The following AGMO variants were observed in gnomAD, a reference collection of about 807,000 sequenced individuals.
AGMO encodes the protein alkylglycerol monooxygenase.
A neutral mutation model predicts 60.2 loss-of-function variants in AGMO; 75 were observed. That is an observed-to-expected ratio of 1.25 (90% CI 1.03 to 1.51). AGMO has a LOEUF of 1.51. AGMO is among the 40% of genes most tolerant of loss of function. The probability of loss-of-function intolerance (pLI) is 0.00; values close to 1 mark genes in which losing one functional copy is unlikely to be tolerated. For synonymous variants in AGMO, 261 were observed against 177.1 expected (o/e 1.47, Z -3.76); for missense variants, 763 against 525.5 (o/e 1.45, Z -4.42).
At chr7:15,384,180 G>T (rs1339515542) in intron 10 of AGMO, among the ~76,000 whole-genome samples, 1 of 152,058 alleles carries the variant, frequency 6.6e-6, no homozygotes, top group African/African-American at 2.4e-5. Flanking sequence ...CTCGTGATCT[G>T]CCCACCTTGG....
At chr7:15,227,868 C>T (rs982438081) in intron 12 of AGMO, among the ~76,000 whole-genome samples, 1 of 152,074 alleles carries the variant, frequency 6.6e-6, no homozygotes, top group African/African-American at 2.4e-5. Flanking sequence ...TGGACTTCTG[C>T]CTCTTTGTAG....
intron 3 of AGMO, among the ~76,000 whole-genome samples, chr7:15,442,026 G>A (rs1441672345): frequency 6.6e-6 from 1 of 152,152 alleles, no homozygotes. Context: ...CATAGCAAAT[G>A]AGTGTGGCTT....
intron 12 of AGMO, among the ~76,000 whole-genome samples, chr7:15,353,448 T>C (rs1782334879): frequency 6.6e-6 from 1 of 152,190 alleles, no homozygotes; most frequent in Non-Finnish European, 1.5e-5. Context: ...ATTCAACATG[T>C]TTGCTCTTAG....
chr7:15,432,667 A>G (rs991150566), intron 3 of AGMO, among the ~76,000 whole-genome samples: 2 of 151,884 alleles, frequency 1.3e-5, no homozygotes, highest in African/African-American at 4.8e-5. Flanking sequence ...TTAGATCCCA[A>G]TTGGTTGGTG....
intron 9 of AGMO, among the ~76,000 whole-genome samples, chr7:15,386,234 A>ACTGCC (rs1783909184): frequency 6.6e-6 from 1 of 152,156 alleles, no homozygotes; most frequent in Admixed American, 6.5e-5. Context: ...ATCATGCTTC[A>ACTGCC]AAGAAAAATA....
At chr7:15,495,786 C>G (rs1231622986) in intron 3 of AGMO, among the ~76,000 whole-genome samples, 1 of 151,878 alleles carries the variant, frequency 6.6e-6, no homozygotes, top group African/African-American at 2.4e-5. Context: ...TCTGGGGCTT[C>G]ATACAGCTTT....
chr7:15,299,278 A>G lies in AGMO; in HGVS notation c.1263+66236T>C, dbSNP rs1330268445. On this transcript the variant is annotated intron_variant, in intron 12 of 12. Transcript: ENST00000342526. ...TAAAGGTTATTGCTTCAGTGAAAGT[A>G]AAGTACATTGCCCAAAATATTTAGG... Among the ~76,000 whole-genome samples the G allele has an allele frequency of 2.6e-5, 4 of 152,194 alleles. No individual in the cohort carries two copies. In the East Asian group the frequency reaches 7.7e-4, roughly 29 times the overall value.
chr7:15,439,946 T>C (rs1023128821), intron 3 of AGMO, among the ~76,000 whole-genome samples: 18 of 152,124 alleles, frequency 1.2e-4, no homozygotes, highest in Admixed American at 6.5e-5. Context: ...ATCTAATCCC[T>C]TCCAAACTAG....
At chr7:15,209,014 G>T (rs1781509483) in intron 12 of AGMO, among the ~76,000 whole-genome samples, 1 of 152,076 alleles carries the variant, frequency 6.6e-6, no homozygotes, top group Admixed American at 6.6e-5. Flanking sequence ...TAAAACCAGA[G>T]GTTTGTTTCC....
chr7:15,142,617 C>A, the AGMO span, among the ~76,000 whole-genome samples: 2 of 152,062 alleles, frequency 1.3e-5, no homozygotes, highest in Non-Finnish European at 2.9e-5. Context: ...TACCTAATTC[C>A]TTTATCCTGA....
chr7:15,418,833 C>T (rs1780852923), intron 4 of AGMO, among the ~76,000 whole-genome samples, 180 bp from the exon 5 acceptor site: 1 of 151,788 alleles, frequency 6.6e-6, no homozygotes, highest in African/African-American at 2.4e-5. Context: ...CAGTTACAGA[C>T]ATGTTGGAGC....
intron 2 of AGMO, among the ~76,000 whole-genome samples, chr7:15,546,516 C>T (rs1370052277): frequency 6.6e-6 from 1 of 152,230 alleles, no homozygotes; most frequent in East Asian, 1.9e-4. Context: ...CTGAGCCATT[C>T]TTCCTGAGGG....
At chr7:15,416,400 G>A (rs1338035585) in intron 5 of AGMO, among the ~76,000 whole-genome samples, 3 of 152,016 alleles carry the variant, frequency 2.0e-5, no homozygotes, top group East Asian at 1.9e-4. Flanking sequence ...TATTTGGTAC[G>A]TTTTATGGCC....
the AGMO span, among the ~76,000 whole-genome samples, chr7:15,151,746 A>C: frequency 4.9e-3 from 752 of 152,254 alleles, 15 homozygotes; most frequent in Admixed American, 0.034. Flanking sequence ...CCACTTCAGA[A>C]TATGTGGTGT....
intron 12 of AGMO, among the ~76,000 whole-genome samples, chr7:15,361,545 A>AG: frequency 6.7e-6 from 1 of 149,298 alleles, no homozygotes; most frequent in Non-Finnish European, 1.5e-5. Context: ...GTCTCAAAAA[A>AG]AAAAAAAAAG....
chr7:15,561,074 T>C (rs1332162411), intron 1 of AGMO, among the ~76,000 whole-genome samples: 1 of 152,174 alleles, frequency 6.6e-6, no homozygotes, highest in Non-Finnish European at 1.5e-5. Context: ...ATGATGTCAT[T>C]TTTTTTCTAT....
At chr7:15,477,207 G>C (rs1372508955) in intron 3 of AGMO, among the ~76,000 whole-genome samples, 2 of 151,904 alleles carry the variant, frequency 1.3e-5, no homozygotes, top group Non-Finnish European at 2.9e-5. Flanking sequence ...TTAAAGGTAT[G>C]AATGAAACAT....
the AGMO span, among the ~76,000 whole-genome samples, chr7:15,143,947 A>G: frequency 6.6e-5 from 10 of 152,300 alleles, no homozygotes; most frequent in Non-Finnish European, 1.2e-4. Context: ...AGTAGCATGC[A>G]TTGTAAATTA....
Position 15,561,774 on chromosome 7 carries a change from T to A in AGMO, c.72A>T (p.Lys24Asn). ...ATGTTTGGAATGAAGTTTCACTGGG[T>A]TTCATCGTGTAAAACAACATGCGAA... is the stretch of plus-strand genomic sequence containing the variant. ...QGFRMLFYTM[K>N]PSETSFQTLE... Residue 24 changes from lysine to asparagine, a missense_variant, in exon 1 of 13, where the codon AAA (lysine) becomes AAT (asparagine). Lys to Asn is a moderately conservative substitution (Grantham distance 94). Transcript: ENST00000342526. 3 of 1,612,074 alleles carry A rather than the reference T, an allele frequency of 1.9e-6. No individual in the cohort carries two copies. Among genetic ancestry groups the A allele is most frequent in the Non-Finnish European group, 2.5e-6 (3 of 1,178,740 alleles).
Sources: allele counts gnomAD v4.1 joint callset (sites outside exome capture counted in the v4.1 genomes callset), GRCh38; gene constraint gnomAD v4.1.1; transcripts MANE v1.5; gene names NCBI Gene and HGNC (gene_info 2026-07-23, HGNC 2026-07-21).